Variants in BRIP1 observed in about 807,000 individuals in gnomAD.
BRIP1 encodes Fanconi anemia group J protein.
A neutral mutation model predicts 119.7 loss-of-function variants in BRIP1; 88 were observed. The observed-to-expected ratio is 0.74, with a 90% CI of 0.62 to 0.88. BRIP1 has a LOEUF of 0.88. Ranked by LOEUF, BRIP1 falls within the 40% of genes least tolerant of loss-of-function variation. The pLI is 0.00. For synonymous variants in BRIP1, 443 were observed against 496.5 expected, an observed-to-expected ratio of 0.89 and a Z score of 1.43; for missense variants, 1,259 against 1,455.4, an observed-to-expected ratio of 0.87 and a Z score of 2.20.
rs992366115 is a variant in BRIP1 at position 61,803,562 on chromosome 17, G to A, written c.919-2088C>T. Among the ~76,000 whole-genome samples, 6 of 151,866 alleles carry A rather than the reference G, an allele frequency of 4.0e-5. No homozygotes were observed. The highest frequency in any genetic ancestry group is 4.1e-4 in the South Asian group (2 of 4,822). Reference sequence around the variant, plus strand: ...ACAAAAAAACAAAAAAAATTAAACCGCAGTGAGCAGTGACCACGCCACTGC... The same window carrying A: ...ACAAAAAAACAAAAAAAATTAAACCACAGTGAGCAGTGACCACGCCACTGC... On this transcript the variant is annotated intron_variant, in intron 7 of 19. Transcript: ENST00000259008. This position sits in a 1 kb window ranked among gnomAD's most constrained non-coding sequence, Gnocchi z 4.3.
At chr17:61,801,603 C>T (rs1337848698) in intron 7 of BRIP1, 129 bp from the exon 8 acceptor site, 10 of 838,242 alleles carry the variant, frequency 1.2e-5, no homozygotes, top group African/African-American at 3.4e-5. Context: ...TACGCCACCA[C>T]ACCTGGCTAA....
Position 61,802,430 on chromosome 17 carries a change from G to C in BRIP1, c.919-956C>G, listed in dbSNP as rs1056420928. Among the ~76,000 whole-genome samples the C allele has an allele frequency of 6.6e-6, 1 of 151,936 alleles. No homozygotes were observed. On this transcript the variant is annotated intron_variant, in intron 7 of 19. Transcript: ENST00000259008. This position sits in a 1 kb window ranked among gnomAD's most constrained non-coding sequence, Gnocchi z 6.0. ...AGCCATGATCAAGCCACTGCACTCCGGCCTGGATGACAAAACAAAGCCCTA... is the reference window on the plus strand; with the variant it reads ...AGCCATGATCAAGCCACTGCACTCCCGCCTGGATGACAAAACAAAGCCCTA...
intron 6 of BRIP1, among the ~76,000 whole-genome samples, chr17:61,819,477 C>T (rs1296264781): frequency 6.6e-6 from 1 of 152,124 alleles, no homozygotes; most frequent in Non-Finnish European, 1.5e-5. Flanking sequence ...TGGAAGCAAC[C>T]TAAGTGTCCA....
chr17:61,850,222 C>A (rs1203264618), intron 4 of BRIP1, among the ~76,000 whole-genome samples: 3 of 151,798 alleles, frequency 2.0e-5, no homozygotes, highest in African/African-American at 4.8e-5. Flanking sequence ...CCTGCCTCAG[C>A]CTCCTGAGTA....
In BRIP1 at chr17:61,780,077, G is replaced by A. The variant is rs1391808303; in HGVS notation, c.1935+184C>T. ...CAGCCTTTTGCATCCCAAGTGACTG[G>A]ATTATTTCCTTCTGTTGACACATCA... On this transcript the variant is annotated intron_variant, in intron 13 of 19. Coordinates refer to ENST00000259008, the MANE Select transcript of BRIP1 (RefSeq NM_032043.3). The surrounding 1 kb of genome is among the most constrained non-coding windows in gnomAD (Gnocchi z 5.4). 1.3e-5 allele frequency among the ~76,000 whole-genome samples: 2 copies of A among 152,270 alleles called. No homozygotes were observed. Among genetic ancestry groups the A allele is most frequent in the African/African-American group, 4.8e-5 (2 of 41,556 alleles).
Position 61,815,269 on chromosome 17 carries a change from C to T in BRIP1, c.628-6512G>A, listed in dbSNP as rs1215095117. Among the ~76,000 whole-genome samples the T allele has an allele frequency of 6.6e-6, 1 of 152,092 alleles. No individual in the cohort carries two copies. Among genetic ancestry groups the T allele is most frequent in the Admixed American group, 6.6e-5 (1 of 15,266 alleles). Reference sequence around the variant, plus strand: ...GGGTTCTCAAATTAGGGTCCATGGGCTATTACAGATCACCCAGAAACTACA... The same window carrying T: ...GGGTTCTCAAATTAGGGTCCATGGGTTATTACAGATCACCCAGAAACTACA... On this transcript the variant is annotated intron_variant, in intron 6 of 19. Transcript: ENST00000259008. The surrounding 1 kb of genome is among the most constrained non-coding windows in gnomAD (Gnocchi z 4.1).
rs930700695 is a variant in BRIP1 at position 61,762,928 on chromosome 17, G to A, written c.2097+13473C>T. Among the ~76,000 whole-genome samples the A allele has an allele frequency of 2.0e-5, 3 of 152,142 alleles. No individual in the cohort carries two copies. The highest frequency in any genetic ancestry group is 4.1e-4 in the South Asian group (2 of 4,822). ...GCAGAAGAAATATCTACACTCCCTCGTTCACTGTAGCATTGTTCATTTGGC... is the reference window on the plus strand; with the variant it reads ...GCAGAAGAAATATCTACACTCCCTCATTCACTGTAGCATTGTTCATTTGGC... On this transcript the variant is annotated intron_variant, in intron 14 of 19. Coordinates refer to ENST00000259008, the MANE Select transcript of BRIP1 (RefSeq NM_032043.3). This position sits in a 1 kb window ranked among gnomAD's most constrained non-coding sequence, Gnocchi z 4.3.
intron 10 of BRIP1, among the ~76,000 whole-genome samples, chr17:61,786,941 T>G (rs2077724643): frequency 9.0e-6 from 1 of 111,482 alleles, no homozygotes; most frequent in Non-Finnish European, 1.7e-5. Flanking sequence ...ATATAATATA[T>G]TTATATATAA....
chr17:61,735,031 A>G lies in BRIP1; in HGVS notation c.2379+7982T>C, dbSNP rs1015320147. Among the ~76,000 whole-genome samples the G allele has an allele frequency of 6.6e-6, 1 of 152,222 alleles. No individual in the cohort carries two copies. Among genetic ancestry groups the G allele is most frequent in the African/African-American group, 2.4e-5 (1 of 41,460 alleles). Reference sequence around the variant, plus strand: ...TTATTAGACTATTAATGTAAAAGAAAACTATAAAGTTCTAATTTAAGGTCC... The same window carrying G: ...TTATTAGACTATTAATGTAAAAGAAGACTATAAAGTTCTAATTTAAGGTCC... On this transcript the variant is annotated intron_variant, in intron 16 of 19. Coordinates refer to ENST00000259008, the MANE Select transcript of BRIP1 (RefSeq NM_032043.3). The surrounding 1 kb of genome is among the most constrained non-coding windows in gnomAD (Gnocchi z 4.4).
chr17:61,766,069 A>G lies in BRIP1; in HGVS notation c.2097+10332T>C, dbSNP rs144786471. ...TGTAGGTATTTTTATATAAGTGCAT[A>G]TTGTTCTAAATAAAAATAATAGGTC... is the stretch of plus-strand genomic sequence containing the variant. On this transcript the variant is annotated intron_variant, in intron 14 of 19. Transcript: ENST00000259008. Among the ~76,000 whole-genome samples, 3 of 152,312 alleles carry G rather than the reference A, an allele frequency of 2.0e-5. No individual in the cohort carries two copies. The East Asian group carries it at 5.8e-4, about 29-fold the overall frequency.
Position 61,809,011 on chromosome 17 carries a change from C to G in BRIP1, c.628-254G>C, listed in dbSNP as rs965950587. Among the ~76,000 whole-genome samples the G allele has an allele frequency of 1.3e-5, 2 of 152,130 alleles. No homozygotes were observed. Among genetic ancestry groups the G allele is most frequent in the East Asian group, 3.8e-4 (2 of 5,200 alleles). ...CTTTCCAACATACCACTCTAACTCTCCAATTCCAAATGTTTTGAGTACATT... is the reference window on the plus strand; with the variant it reads ...CTTTCCAACATACCACTCTAACTCTGCAATTCCAAATGTTTTGAGTACATT... On this transcript the variant is annotated intron_variant, in intron 6 of 19. Transcript: ENST00000259008. The surrounding 1 kb of genome is among the most constrained non-coding windows in gnomAD (Gnocchi z 5.2).
At chr17:61,784,743 C>T (rs1318536298) in intron 10 of BRIP1, among the ~76,000 whole-genome samples, 1 of 152,048 alleles carries the variant, frequency 6.6e-6, no homozygotes, top group Non-Finnish European at 1.5e-5. Context: ...AGCCTGACAC[C>T]TCCCTCCCTT....
rs2061377899 is a variant in BRIP1, at chr17:61,687,371, C to T, written c.2576-1206G>A. On this transcript the variant is annotated intron_variant, in intron 18 of 19. Transcript: ENST00000259008. This position sits in a 1 kb window ranked among gnomAD's most constrained non-coding sequence, Gnocchi z 5.1. ...TCTGCTTTTGAAAACTTGAAAGAATCTGAGCTCCACCTGCTGACTAGACAC... is the reference window on the plus strand; with the variant it reads ...TCTGCTTTTGAAAACTTGAAAGAATTTGAGCTCCACCTGCTGACTAGACAC... Among the ~76,000 whole-genome samples, 1 of 152,186 alleles carries T rather than the reference C, an allele frequency of 6.6e-6. No individual in the cohort carries two copies.
At position 61,789,407 on chromosome 17, in the gene BRIP1, A is replaced by T. The variant is rs1182871389; in HGVS notation, c.1473+4190T>A. On this transcript the variant is annotated intron_variant, in intron 10 of 19. Transcript: ENST00000259008. This position sits in a 1 kb window ranked among gnomAD's most constrained non-coding sequence, Gnocchi z 4.8. ...TGCTGGGACAATTCTCTATCCATAC[A>T]GGAAAAAAATTGATTCATAAATTCA... 6.6e-6 allele frequency among the ~76,000 whole-genome samples: 1 copy of T among 152,172 alleles called. No homozygotes were observed. The highest frequency in any genetic ancestry group is 1.5e-5 in the Non-Finnish European group (1 of 68,030).
rs1012165679 is a variant in BRIP1, at chr17:61,769,770, G to T, written c.2097+6631C>A. The stretch of plus-strand genomic sequence containing the variant: ...ATCTGGAGAGACAGGTAAATACAGA[G>T]AATCAAGATATGCTTACTGGGACAG... On this transcript the variant is annotated intron_variant, in intron 14 of 19. Transcript: ENST00000259008. This position sits in a 1 kb window ranked among gnomAD's most constrained non-coding sequence, Gnocchi z 4.9. Among the ~76,000 whole-genome samples the T allele has an allele frequency of 3.3e-5, 5 of 152,176 alleles. No individual in the cohort carries two copies. The highest frequency in any genetic ancestry group is 1.2e-4 in the African/African-American group (5 of 41,454).
chr17:61,716,989 G>T (rs1603293906), intron 16 of BRIP1, among the ~76,000 whole-genome samples: 2 of 151,744 alleles, frequency 1.3e-5, no homozygotes, highest in Non-Finnish European at 2.9e-5. Context: ...TTATGCTATT[G>T]CTGCCATACA....
rs1438975574 is a variant in BRIP1, at chr17:61,784,269, C to G, written c.1628+1G>C. 6.2e-7 allele frequency: 1 copy of G among 1,611,486 alleles called. No individual in the cohort carries two copies. The highest frequency in any genetic ancestry group is 1.7e-5 in the Admixed American group (1 of 59,998). On this transcript the variant is annotated splice_donor_variant, in intron 11 of 19. Transcript: ENST00000259008. LOFTEE classifies it high-confidence loss of function. ...AATACATACTAGTTATCTTCACTTA[C>G]CTGCTATTTTGCCTAAAAAGATAGT...
At chr17:61,840,583 C>T (rs138359986) in intron 6 of BRIP1, among the ~76,000 whole-genome samples, 291 of 152,170 alleles carry the variant, frequency 1.9e-3, no homozygotes, top group African/African-American at 6.6e-3. Context: ...TTGAGAGCAG[C>T]TTAGGCAACA....
intron 4 of BRIP1, among the ~76,000 whole-genome samples, chr17:61,849,866 A>G (rs889843832): frequency 9.2e-5 from 14 of 152,214 alleles, no homozygotes; most frequent in Non-Finnish European, 2.1e-4. Flanking sequence ...GTGTGACTCC[A>G]ACATCCATAC....
Sources: allele counts gnomAD v4.1 joint callset (sites outside exome capture counted in the v4.1 genomes callset), GRCh38; gene constraint gnomAD v4.1.1; non-coding constraint Gnocchi (gnomAD v3.1); transcripts MANE v1.5; gene names NCBI Gene and HGNC (gene_info 2026-07-23, HGNC 2026-07-21).